The following KPNA3 variants were observed in gnomAD, a reference collection of about 807,000 sequenced individuals.
The protein encoded by KPNA3 is importin subunit alpha-4.
In KPNA3, 13 loss-of-function variants were observed where a neutral mutation model predicts 73.8. The observed-to-expected ratio is 0.18, with a 90% CI of 0.11 to 0.28. KPNA3 has a LOEUF of 0.28. Among genes scored for constraint, KPNA3 ranks in the 10% least tolerant of loss-of-function variants. The pLI is 1.00. For synonymous variants in KPNA3, 186 were observed against 206.9 expected, an observed-to-expected ratio of 0.90 and a Z score of 0.87; for missense variants, 360 against 618.1, an observed-to-expected ratio of 0.58 and a Z score of 4.43.
chr13:49,719,997 A>G (rs1954340394), intron 9 of KPNA3, among the ~76,000 whole-genome samples, 178 bp from the exon 10 acceptor site: 3 of 152,228 alleles, frequency 2.0e-5, no homozygotes. Flanking sequence ...AAAAAACCAA[A>G]AACATATCTC....
rs746085717 is a variant in KPNA3 at position 49,747,033 on chromosome 13, C to T, written c.70-40G>A. The T allele has an allele frequency of 2.2e-5, 31 of 1,424,462 alleles. 1 individual carries two copies. In the East Asian group the frequency reaches 3.4e-4, roughly 16 times the overall value. The allele number at this position is 1,424,462 out of a possible 1,614,324, so 88.2% of individuals were successfully genotyped here. On this transcript the variant is annotated intron_variant, in intron 1 of 16. Transcript: ENST00000261667. ...CAAAGATTACAGATGTATCAAAATACGGACACTGCTAGTATATAAAGATCT... is the reference window on the plus strand; with the variant it reads ...CAAAGATTACAGATGTATCAAAATATGGACACTGCTAGTATATAAAGATCT...
chr13:49,790,148 C>T (rs1955020504), intron 1 of KPNA3, among the ~76,000 whole-genome samples: 1 of 152,158 alleles, frequency 6.6e-6, no homozygotes, highest in Admixed American at 6.5e-5. Flanking sequence ...CATGCACAGG[C>T]TACATAAGCA....
intron 2 of KPNA3, among the ~76,000 whole-genome samples, chr13:49,734,932 T>TAGAGAGAGAGAGAGAG (rs1395572299): frequency 1.9e-4 from 17 of 89,374 alleles, no homozygotes; most frequent in Non-Finnish European, 3.9e-4. Context: ...CATATATATA[T>TAGAGAGAGAGAGAGAG]ATATATAGAG....
At position 49,706,101 on chromosome 13, in the gene KPNA3, A is replaced by T; in HGVS notation, c.1206T>A (p.Asp402Glu). The stretch of plus-strand genomic sequence containing the variant: ...AGTTACAGGTTTTCAAACTCACCTG[A>T]TCTTTTCTGCCACTTATTGTTAAGT... ...ISNLTISGRK[D>E]QVEYLVQQNV... Residue 402 changes from aspartate (D) to glutamate (E), a missense_variant, in exon 14 of 17, where the codon GAT (aspartate) becomes GAA (glutamate). Physicochemically the swap from Asp to Glu is conservative, Grantham distance 45 (BLOSUM62 2). Coordinates refer to ENST00000261667, the MANE Select transcript of KPNA3 (RefSeq NM_002267.4). The T allele has an allele frequency of 6.2e-7, 1 of 1,613,484 alleles. No homozygotes were observed. Among genetic ancestry groups the T allele is most frequent in the South Asian group, 1.1e-5 (1 of 90,812 alleles).
intron 6 of KPNA3, among the ~76,000 whole-genome samples, chr13:49,732,134 C>T (rs1413752631): frequency 6.6e-6 from 1 of 152,082 alleles, no homozygotes; most frequent in African/African-American, 2.4e-5. Context: ...TAAGTTAAAA[C>T]AGGCAATAAA....
intron 10 of KPNA3, among the ~76,000 whole-genome samples, chr13:49,715,066 C>T (rs1954293016): frequency 6.6e-6 from 1 of 151,794 alleles, no homozygotes; most frequent in African/African-American, 2.4e-5. Flanking sequence ...CTGAAAAATT[C>T]ATTACATTTT....
At chr13:49,744,412 T>C (rs958820243) in intron 2 of KPNA3, among the ~76,000 whole-genome samples, 9 of 152,222 alleles carry the variant, frequency 5.9e-5, no homozygotes, top group Non-Finnish European at 1.0e-4. Context: ...TTTATGCTTA[T>C]GTTAATGTTT....
intron 1 of KPNA3, among the ~76,000 whole-genome samples, chr13:49,766,955 T>C (rs1367102628): frequency 1.4e-5 from 1 of 71,700 alleles, no homozygotes; most frequent in East Asian, 2.6e-4. Flanking sequence ...ATGGGATTCC[T>C]TTTTTTTTTT....
chr13:49,772,012 G>A (rs934990955), intron 1 of KPNA3, among the ~76,000 whole-genome samples: 8 of 152,076 alleles, frequency 5.3e-5, no homozygotes, highest in Admixed American at 5.2e-4. Flanking sequence ...AATTGATTTT[G>A]TATACTGATC....
chr13:49,710,142 A>C (rs1294428400), intron 11 of KPNA3, among the ~76,000 whole-genome samples: 1 of 152,130 alleles, frequency 6.6e-6, no homozygotes, highest in African/African-American at 2.4e-5. Flanking sequence ...CATGCCTGTA[A>C]TCCCAGCTAC....
chr13:49,787,223 C>A (rs917795304), intron 1 of KPNA3, among the ~76,000 whole-genome samples: 1 of 152,092 alleles, frequency 6.6e-6, no homozygotes, highest in Non-Finnish European at 1.5e-5. Flanking sequence ...CCCAAAGATA[C>A]GGATTATCAT....
chr13:49,784,505 T>C lies in KPNA3; in HGVS notation c.69+7933A>G, dbSNP rs144842398. Reference sequence around the variant, plus strand: ...ATGGTTGGGAGACAACAGACTAAAGTTGGAAACAATCCAAGTATTCATCTA... The same window carrying C: ...ATGGTTGGGAGACAACAGACTAAAGCTGGAAACAATCCAAGTATTCATCTA... On this transcript the variant is annotated intron_variant, in intron 1 of 16. Coordinates refer to ENST00000261667, the MANE Select transcript of KPNA3 (RefSeq NM_002267.4). Among the ~76,000 whole-genome samples the C allele has an allele frequency of 3.2e-3, 494 of 152,234 alleles. 3 individuals are homozygous for C. The highest frequency in any genetic ancestry group is 6.3e-3 in the Admixed American group (97 of 15,294).
intron 1 of KPNA3, among the ~76,000 whole-genome samples, chr13:49,761,637 T>G (rs1264607985): frequency 6.6e-6 from 1 of 152,212 alleles, no homozygotes; most frequent in African/African-American, 2.4e-5. Flanking sequence ...AGTGCCGAGA[T>G]TGCAGCCTCT....
At chr13:49,730,445 G>A (rs534180652) in intron 6 of KPNA3, among the ~76,000 whole-genome samples, 40 of 135,464 alleles carry the variant, frequency 3.0e-4, no homozygotes, top group African/African-American at 8.1e-4. Context: ...GCTTGAACCC[G>A]GGAGGCAGAC....
chr13:49,788,533 A>G (rs1955003174), intron 1 of KPNA3, among the ~76,000 whole-genome samples: 1 of 152,080 alleles, frequency 6.6e-6, no homozygotes, highest in East Asian at 1.9e-4. Flanking sequence ...AGCCTGGGCA[A>G]CATGGCAAAA....
intron 9 of KPNA3, 123 bp from the exon 10 acceptor site, chr13:49,719,942 T>C: frequency 1.6e-6 from 1 of 625,420 alleles, no homozygotes; most frequent in Non-Finnish European, 2.7e-6. Flanking sequence ...GTTAAATTTG[T>C]CTGAATATCT....
At chr13:49,726,429 A>G (rs1594437959) in intron 6 of KPNA3, among the ~76,000 whole-genome samples, 1 of 152,370 alleles carries the variant, frequency 6.6e-6, no homozygotes, top group South Asian at 2.1e-4. Flanking sequence ...TGGAAGGATC[A>G]TGATGTGTAG....
intron 2 of KPNA3, among the ~76,000 whole-genome samples, chr13:49,745,650 C>A (rs1342298472): frequency 6.6e-6 from 1 of 151,966 alleles, no homozygotes; most frequent in Non-Finnish European, 1.5e-5. Context: ...AGCCACCGCA[C>A]CCAGCCCAAG....
At position 49,700,887 on chromosome 13, in the gene KPNA3, G is replaced by A. The variant is rs1336902775; in HGVS notation, c.*913C>T. ...AAAAACATCACCAATGGGTATTTTA[G>A]ACTTTTGCAGTTTTTTTTTGTTTGC... On this transcript the variant is annotated 3_prime_UTR_variant, in exon 17 of 17. Coordinates refer to ENST00000261667, the MANE Select transcript of KPNA3 (RefSeq NM_002267.4). The A allele has an allele frequency of 6.6e-6, 1 of 152,452 alleles. No homozygotes were observed. The allele number at this position is 152,452 out of a possible 1,614,324, so 9.4% of individuals were successfully genotyped here.
Sources: allele counts gnomAD v4.1 joint callset (sites outside exome capture counted in the v4.1 genomes callset), GRCh38; gene constraint gnomAD v4.1.1; transcripts MANE v1.5; gene names NCBI Gene and HGNC (gene_info 2026-07-23, HGNC 2026-07-21).